CEP112: variants seen among roughly 807,000 people sequenced by gnomAD.
The protein encoded by CEP112 is centrosomal protein 112, also known as centrosomal protein of 112 kDa.
A neutral mutation model predicts 153.0 loss-of-function variants in CEP112; 127 were observed. That is an observed-to-expected ratio of 0.83 (90% CI 0.72 to 0.96). CEP112 has a LOEUF of 0.96. CEP112 is among the 40% of genes least tolerant of loss of function. The pLI is 0.00. For synonymous variants in CEP112, 358 were observed against 374.4 expected, an observed-to-expected ratio of 0.96 and a Z score of 0.51; for missense variants, 1,089 against 1,101.2, an observed-to-expected ratio of 0.99 and a Z score of 0.16.
chr17:66,045,214 C>T (rs116829638), intron 12 of CEP112, among the ~76,000 whole-genome samples: 406 of 152,052 alleles, frequency 2.7e-3, no homozygotes, highest in African/African-American at 9.5e-3. Flanking sequence ...GGGACTACAA[C>T]GTGCACTACC....
intron 17 of CEP112, among the ~76,000 whole-genome samples, chr17:65,970,447 ATATTACATGCATGCACACATGCATG>A (rs2062672196): frequency 1.7e-5 from 1 of 59,112 alleles, no homozygotes; most frequent in Non-Finnish European, 3.8e-5. Flanking sequence ...TCATGCATGT[ATATTACATGCATGCACACATGCATG>A]TATATTACAT....
chr17:65,736,633 G>T (rs187079330), intron 23 of CEP112, among the ~76,000 whole-genome samples: 13 of 152,292 alleles, frequency 8.5e-5, no homozygotes, highest in African/African-American at 3.1e-4. Flanking sequence ...GGTTCCGAAA[G>T]GTAGATGCCC....
intron 21 of CEP112, among the ~76,000 whole-genome samples, chr17:65,764,297 G>A (rs2052801133): frequency 6.6e-6 from 1 of 152,312 alleles, no homozygotes; most frequent in East Asian, 1.9e-4. Context: ...TTCAATGTCA[G>A]TATTTCCCTT....
At chr17:65,762,458 A>G (rs2052670709) in intron 21 of CEP112, among the ~76,000 whole-genome samples, 1 of 152,048 alleles carries the variant, frequency 6.6e-6, no homozygotes, top group South Asian at 2.1e-4. Context: ...GTTAGATCAT[A>G]GCTACCATAT....
At chr17:66,081,010 CA>C (rs1377282998) in intron 8 of CEP112, among the ~76,000 whole-genome samples, 76 of 149,588 alleles carry the variant, frequency 5.1e-4, no homozygotes, top group African/African-American at 1.9e-3. Flanking sequence ...TGGGGACTGT[CA>C]GGGGGTAGGG....
intron 16 of CEP112, among the ~76,000 whole-genome samples, chr17:66,006,906 G>A (rs1385908776): frequency 1.3e-5 from 2 of 152,114 alleles, no homozygotes; most frequent in African/African-American, 4.8e-5. Context: ...AGAGAGAAAC[G>A]ACAAGAACAA....
intron 15 of CEP112, among the ~76,000 whole-genome samples, chr17:66,027,982 GGAAA>G (rs80116106): frequency 0.41 from 62,013 of 150,660 alleles, 14,120 homozygotes; most frequent in East Asian, 0.87. Context: ...AAAGAAAGAG[GGAAA>G]GAAAGAGAGA....
intron 22 of CEP112, among the ~76,000 whole-genome samples, chr17:65,745,501 T>A (rs2051391731): frequency 6.6e-6 from 1 of 152,096 alleles, no homozygotes; most frequent in South Asian, 2.1e-4. Flanking sequence ...TAAAAAAGAG[T>A]CAGATTTCCT....
intron 6 of CEP112, among the ~76,000 whole-genome samples, chr17:66,128,523 A>C (rs2069970500): frequency 1.3e-5 from 2 of 152,290 alleles, no homozygotes; most frequent in South Asian, 2.1e-4. Context: ...GAATAGGTGG[A>C]AAATGGACAA....
At chr17:66,022,013 A>C (rs1375162550) in intron 16 of CEP112, among the ~76,000 whole-genome samples, 2 of 152,178 alleles carry the variant, frequency 1.3e-5, no homozygotes, top group Non-Finnish European at 2.9e-5. Context: ...AGTGCTTGGG[A>C]ATAACGTAAG....
intron 6 of CEP112, among the ~76,000 whole-genome samples, chr17:66,113,685 G>C (rs1322690411): frequency 6.6e-6 from 1 of 152,070 alleles, no homozygotes; most frequent in East Asian, 1.9e-4. Flanking sequence ...CAAATAAATA[G>C]AAAATGTCTA....
chr17:66,084,377 C>T (rs531726578), intron 8 of CEP112, among the ~76,000 whole-genome samples: 1 of 152,256 alleles, frequency 6.6e-6, no homozygotes, highest in East Asian at 1.9e-4. Context: ...TATTGCAGCA[C>T]TAATAACAAT....
intron 24 of CEP112, among the ~76,000 whole-genome samples, chr17:65,660,212 C>CTTCCTTCCTTCT (rs1317210055): frequency 1.7e-5 from 2 of 117,784 alleles, no homozygotes; most frequent in African/African-American, 3.8e-5. Context: ...TCCTTCTTTC[C>CTTCCTTCCTTCT]TTCCCTCCCT....
At chr17:65,762,682 G>A (rs1333235748) in intron 21 of CEP112, among the ~76,000 whole-genome samples, 2 of 151,750 alleles carry the variant, frequency 1.3e-5, no homozygotes, top group Admixed American at 6.6e-5. Flanking sequence ...TCATCTCATG[G>A]ATAGTGGGAG....
At chr17:65,919,387 T>G (rs1017191579) in intron 19 of CEP112, among the ~76,000 whole-genome samples, 1 of 152,190 alleles carries the variant, frequency 6.6e-6, no homozygotes, top group African/African-American at 2.4e-5. Context: ...AGGGCCCAGA[T>G]GCTCGGCGTC....
At chr17:66,112,668 G>C (rs1284411682) in intron 6 of CEP112, among the ~76,000 whole-genome samples, 1 of 152,164 alleles carries the variant, frequency 6.6e-6, no homozygotes, top group Non-Finnish European at 1.5e-5. Context: ...TGCCAGCCAG[G>C]CATGGTGGCT....
intron 4 of CEP112, among the ~76,000 whole-genome samples, chr17:66,156,103 C>G (rs984496835): frequency 6.6e-6 from 1 of 152,128 alleles, no homozygotes. Context: ...TAACTCCCAG[C>G]AGGGGTCGAC....
intron 20 of CEP112, among the ~76,000 whole-genome samples, chr17:65,876,847 C>T (rs902496566): frequency 6.6e-6 from 1 of 152,054 alleles, no homozygotes; most frequent in African/African-American, 2.4e-5. Flanking sequence ...TTGATTGTTA[C>T]ATTTTCAGAG....
intron 21 of CEP112, among the ~76,000 whole-genome samples, chr17:65,816,092 T>C (rs1312875295): frequency 1.3e-5 from 2 of 152,082 alleles, no homozygotes; most frequent in Non-Finnish European, 2.9e-5. Context: ...TCTGTCATCA[T>C]TAAGTATGAT....
Sources: gnomAD v4.1 joint callset for allele counts (sites outside exome capture counted in the v4.1 genomes callset) on GRCh38, gnomAD v4.1.1 for gene constraint, MANE v1.5 for transcripts, NCBI Gene and HGNC (gene_info 2026-07-23, HGNC 2026-07-21) for gene names.